Variants in U2SURP observed in about 807,000 individuals in gnomAD.
U2SURP encodes U2 snRNP-associated SURP motif-containing protein.
U2SURP carries 9 observed loss-of-function variants against 144.9 expected under a neutral mutation model. The ratio of observed to expected loss-of-function variants is 0.06; its 90% CI spans 0.04 to 0.11. The LOEUF (loss-of-function observed/expected upper bound fraction) is 0.11, where lower values mean the gene tolerates loss of function less well. Ranked by LOEUF, U2SURP falls within the 10% of genes least tolerant of loss-of-function variation. U2SURP has a pLI of 1.00. For missense variants in U2SURP, 724 were observed against 1,226.7 expected, an observed-to-expected ratio of 0.59 and a Z score of 6.12; for synonymous variants, 408 against 396.8, an observed-to-expected ratio of 1.03 and a Z score of -0.33.
chr3:143,012,581 A>G (rs1936175387), intron 3 of U2SURP, among the ~76,000 whole-genome samples: 1 of 152,210 alleles, frequency 6.6e-6, no homozygotes, highest in African/African-American at 2.4e-5. Context: ...ATTTTATTTG[A>G]AAAACAAAGT....
chr3:143,014,581 C>T (rs1377180107), intron 4 of U2SURP, among the ~76,000 whole-genome samples, 172 bp downstream of exon 4: 2 of 151,918 alleles, frequency 1.3e-5, no homozygotes, highest in Non-Finnish European at 2.9e-5. Context: ...GAGCTTCTAT[C>T]CTTGTTCCCT....
chr3:143,026,983 A>C, intron 13 of U2SURP, 166 bp from the exon 14 acceptor site: 1 of 554,796 alleles, frequency 1.8e-6, no homozygotes, highest in Non-Finnish European at 3.2e-6. Context: ...ACACCCTCTT[A>C]ATGCACAAGG....
chr3:143,035,190 ATTG>A (rs1450061886), intron 19 of U2SURP, among the ~76,000 whole-genome samples: 1 of 152,204 alleles, frequency 6.6e-6, no homozygotes, highest in Non-Finnish European at 1.5e-5. Context: ...AGTTTTAAAT[ATTG>A]TTTAAAAATT....
chr3:143,045,366 C>CAAA (rs11356372), intron 24 of U2SURP, among the ~76,000 whole-genome samples: 28 of 75,386 alleles, frequency 3.7e-4, no homozygotes, highest in Admixed American at 4.7e-4. Context: ...GAGACGCCGT[C>CAAA]AAAAAAAAAA....
At chr3:143,040,331 T>G (rs1934038781) in intron 23 of U2SURP, among the ~76,000 whole-genome samples, 1 of 151,842 alleles carries the variant, frequency 6.6e-6, no homozygotes, top group South Asian at 2.1e-4. Flanking sequence ...ATTTTAGATT[T>G]TTCATTTTTC....
intron 8 of U2SURP, 66 bp downstream of exon 8, chr3:143,020,759 G>C: frequency 7.9e-7 from 1 of 1,268,478 alleles, no homozygotes; most frequent in Non-Finnish European, 1.1e-6. Flanking sequence ...CTTATCCGTG[G>C]CGGGTTACAT....
chr3:143,027,235 T>G lies in U2SURP; in HGVS notation c.1361T>G (p.Ile454Ser), dbSNP rs1933204151. 1 of 1,612,530 alleles carries G rather than the reference T, an allele frequency of 6.2e-7. No homozygotes were observed. The highest frequency in any genetic ancestry group is 1.7e-5 in the Admixed American group (1 of 59,910). ...GAAGCTATGATTATGAACAGAGAAA[T>G]CAACAATCCTATGTTCAGGTGTGCA... ...MFEAMIMNRE[I>S]NNPMFRFLFE... Residue 454 changes from isoleucine (I) to serine (S), a missense_variant, in exon 14 of 28, where the codon ATC (isoleucine) becomes AGC (serine). Coordinates refer to ENST00000473835, the MANE Select transcript of U2SURP (RefSeq NM_001080415.2).
chr3:143,037,185 C>T lies in U2SURP; in HGVS notation c.2071C>T (p.Pro691Ser). ...ATAGTACACATTTCCATAGGATGTT[C>T]CAGATGACCTTGATGGTGCCCCCAT... is the stretch of plus-strand genomic sequence containing the variant. ...IIEEKETEDV[P>S]DDLDGAPIEE... The change falls in exon 21 of 28, where the codon CCA becomes TCA. Residue 691 changes from proline to serine, a missense_variant. By Grantham distance (74) the Pro-to-Ser change is moderately conservative. Coordinates refer to ENST00000473835, the MANE Select transcript of U2SURP (RefSeq NM_001080415.2). 1 of 1,610,890 alleles carries T rather than the reference C, an allele frequency of 6.2e-7. No individual in the cohort carries two copies. The highest frequency in any genetic ancestry group is 1.3e-5 in the African/African-American group (1 of 74,974).
chr3:143,029,188 C>T (rs756688554), intron 16 of U2SURP, among the ~76,000 whole-genome samples: 2 of 152,156 alleles, frequency 1.3e-5, no homozygotes, highest in African/African-American at 2.4e-5. Flanking sequence ...CAGAGGACAT[C>T]CTGTATACCT....
In U2SURP at chr3:143,057,032, A is replaced by T. The variant is rs951368509; in HGVS notation, c.*582A>T. The T allele has an allele frequency of 6.6e-6, 1 of 152,512 alleles. No individual in the cohort carries two copies. The highest frequency in any genetic ancestry group is 6.6e-5 in the Admixed American group (1 of 15,254). The allele number at this position is 152,512 out of a possible 1,614,324, so 9.4% of individuals were successfully genotyped here. On this transcript the variant is annotated 3_prime_UTR_variant, in exon 28 of 28. Transcript: ENST00000473835. ...GAGACTCCTATTTGGTGGTTTGCTA[A>T]CCATTTGCTTTTGATAAGTTTCTCT... is the stretch of plus-strand genomic sequence containing the variant.
At chr3:143,009,585 A>C (rs1221936722) in intron 1 of U2SURP, among the ~76,000 whole-genome samples, 3 of 151,814 alleles carry the variant, frequency 2.0e-5, no homozygotes, top group Non-Finnish European at 2.9e-5. Context: ...GAGACAGAGT[A>C]AGACTCTGTC....
At chr3:143,055,532 AT>A (rs542631715) in intron 27 of U2SURP, among the ~76,000 whole-genome samples, 2 of 151,828 alleles carry the variant, frequency 1.3e-5, no homozygotes, top group South Asian at 4.1e-4. Flanking sequence ...CATGAATACC[AT>A]TTTTTCAGTA....
chr3:143,027,087 A>G, intron 13 of U2SURP, 62 bp from the exon 14 acceptor site: 1 of 1,227,914 alleles, frequency 8.1e-7, no homozygotes, highest in East Asian at 2.3e-5. Flanking sequence ...AACTTAGGTC[A>G]AGTGTAGTTT....
chr3:143,054,980 A>G lies in U2SURP; in HGVS notation c.2812A>G (p.Ser938Gly), dbSNP rs1935069642. 1 of 1,609,820 alleles carries G rather than the reference A, an allele frequency of 6.2e-7. No individual in the cohort carries two copies. Among genetic ancestry groups the G allele is most frequent in the Non-Finnish European group, 8.5e-7 (1 of 1,178,238 alleles). ...CAGTACATCCCCCAGCCCATCTCGCAGTAGCAGTGGTAGACGAGTGAAATC... is the reference window on the plus strand; with the variant it reads ...CAGTACATCCCCCAGCCCATCTCGCGGTAGCAGTGGTAGACGAGTGAAATC... ...RHSTSPSPSR[S>G]SSGRRVKSPS... Residue 938 changes from serine (S) to glycine (G), a missense_variant, in exon 27 of 28, where the codon AGT becomes GGT. Ser to Gly is a moderately conservative substitution (Grantham distance 56). Transcript: ENST00000473835.
intron 1 of U2SURP, among the ~76,000 whole-genome samples, chr3:143,005,141 C>CTT (rs71153997): frequency 1.2e-4 from 16 of 136,920 alleles, no homozygotes; most frequent in Non-Finnish European, 1.6e-4. Flanking sequence ...GTGACTATGG[C>CTT]TTTTTTTTTT....
intron 1 of U2SURP, among the ~76,000 whole-genome samples, chr3:143,010,179 T>C (rs953373242): frequency 3.3e-5 from 5 of 152,240 alleles, no homozygotes; most frequent in African/African-American, 1.2e-4. Flanking sequence ...GATAGGTAGA[T>C]CACTTAAGAA....
chr3:143,025,880 A>G (rs1316723167), intron 13 of U2SURP: 1 of 152,082 alleles, frequency 6.6e-6, no homozygotes, highest in East Asian at 1.9e-4. Context: ...TCACCTTGAG[A>G]TAGATTATTT....
Position 143,026,048 on chromosome 3 carries a change from A to G in U2SURP, c.1275-1101A>G, listed in dbSNP as rs143945163. On this transcript the variant is annotated intron_variant, in intron 13 of 27. Transcript: ENST00000473835. ...AGTGTGTGCTTTGTACCAAGAGCCA[A>G]TATCCTTTTGCTTTTCCCAATTGTT... 44 of 152,266 alleles carry G rather than the reference A, an allele frequency of 2.9e-4. No homozygotes were observed. In the East Asian group the frequency reaches 3.8e-3, roughly 13 times the overall value. The allele number at this position is 152,266 out of a possible 1,614,324, so 9.4% of individuals were successfully genotyped here.
chr3:143,016,794 G>T (rs779265438), intron 5 of U2SURP, 48 bp from the exon 6 acceptor site: 81 of 1,449,342 alleles, frequency 5.6e-5, no homozygotes, highest in Non-Finnish European at 7.0e-5. Flanking sequence ...AAACAGTAAA[G>T]AAAAATATTG....
Sources: gnomAD v4.1 joint callset for allele counts (sites outside exome capture counted in the v4.1 genomes callset) on GRCh38, gnomAD v4.1.1 for gene constraint, MANE v1.5 for transcripts, NCBI Gene and HGNC (gene_info 2026-07-23, HGNC 2026-07-21) for gene names.